MALRD1: variants seen among roughly 807,000 people sequenced by gnomAD.
MALRD1 encodes MAM and LDL receptor class A domain containing 1.
In MALRD1, 247 loss-of-function variants were observed where a neutral mutation model predicts 242.1. The ratio of observed to expected loss-of-function variants is 1.02; its 90% CI spans 0.92 to 1.13. The LOEUF (loss-of-function observed/expected upper bound fraction) is 1.13, where lower values mean the gene tolerates loss of function less well. MALRD1 is among the 50% of genes most tolerant of loss of function. The probability of loss-of-function intolerance (pLI) is 0.00; values close to 1 mark genes in which losing one functional copy is unlikely to be tolerated. For missense variants in MALRD1, 2,989 were observed against 2,533.1 expected (o/e 1.18, Z -3.86); for synonymous variants, 995 against 866.6 (o/e 1.15, Z -2.60).
Position 19,595,395 on chromosome 10 carries a change from C to CT in MALRD1, c.5884dup (p.Ser1962PhefsTer14), listed in dbSNP as rs1838038621. 2.4e-5 allele frequency: 37 copies of CT among 1,550,524 alleles called. No homozygotes were observed. Among genetic ancestry groups the CT allele is most frequent in the Non-Finnish European group, 3.1e-5 (35 of 1,146,928 alleles). ...CCGTGCTCTACAGACGAGTGTATACCTTCCCTCCTGCTATGCGATGGAGTG... is the reference window on the plus strand; with the variant it reads ...CCGTGCTCTACAGACGAGTGTATACCTTTCCCTCCTGCTATGCGATGGAGTG... On this transcript the variant is annotated frameshift_variant, in exon 34 of 40. Transcript: ENST00000454679. LOFTEE classifies it high-confidence loss of function.
Position 19,315,112 on chromosome 10 carries a change from TATGTAAATATAATTTATAG to T in MALRD1, c.3420-8835_3420-8817del, listed in dbSNP as rs1296640488. ...AATATGTAAATATAATTTATAGAAA[TATGTAAATATAATTTATAG>T]AAATATGTAAATATAATTTATAGAA... On this transcript the variant is annotated intron_variant, in intron 21 of 39. Transcript: ENST00000454679. 9.2e-4 allele frequency among the ~76,000 whole-genome samples: 128 copies of T among 139,730 alleles called. 1 individual carries two copies. The highest frequency in any genetic ancestry group is 2.4e-3 in the African/African-American group (92 of 38,174). The allele number at this position is 139,730 out of a possible 152,430, so 91.7% of individuals were successfully genotyped here.
chr10:19,553,984 GCT>G (rs1386202069), intron 32 of MALRD1, among the ~76,000 whole-genome samples: 3 of 152,106 alleles, frequency 2.0e-5, no homozygotes, highest in African/African-American at 7.2e-5. Context: ...GCCTGGCAGT[GCT>G]CTAGGCATTT....
At chr10:19,267,227 T>C in intron 19 of MALRD1, among the ~76,000 whole-genome samples, 1 of 152,182 alleles carries the variant, frequency 6.6e-6, no homozygotes, top group South Asian at 2.1e-4. Flanking sequence ...TTACTAAAAT[T>C]ATTAGTTATT....
chr10:19,114,710 T>C (rs1206796286), intron 5 of MALRD1, among the ~76,000 whole-genome samples: 1 of 152,200 alleles, frequency 6.6e-6, no homozygotes, highest in East Asian at 1.9e-4. Context: ...TCAGGGCTAG[T>C]ATATTAGTCT....
intron 5 of MALRD1, among the ~76,000 whole-genome samples, chr10:19,110,152 C>G (rs1836625021): frequency 6.6e-6 from 1 of 152,154 alleles, no homozygotes; most frequent in Non-Finnish European, 1.5e-5. Context: ...CTTGTTTATT[C>G]ATTGTTTTAG....
At chr10:19,347,160 TAAAAC>T (rs1185357232) in intron 24 of MALRD1, among the ~76,000 whole-genome samples, 2 of 152,016 alleles carry the variant, frequency 1.3e-5, no homozygotes, top group Non-Finnish European at 1.5e-5. Flanking sequence ...AATGGGAAAA[TAAAAC>T]AACTTAAGCA....
chr10:19,308,141 T>A, intron 21 of MALRD1, among the ~76,000 whole-genome samples: 1 of 151,540 alleles, frequency 6.6e-6, no homozygotes, highest in East Asian at 1.9e-4. Context: ...TTTCTATTTT[T>A]TTTATACTCA....
intron 19 of MALRD1, among the ~76,000 whole-genome samples, chr10:19,267,879 G>A (rs1588816594): frequency 6.6e-6 from 1 of 152,004 alleles, no homozygotes; most frequent in Non-Finnish European, 1.5e-5. Flanking sequence ...TAGCTTCTTT[G>A]GTGTAGTCTG....
rs372353194 is a variant in MALRD1 at position 19,075,651 on chromosome 10, G to A, written c.340+8792G>A. On this transcript the variant is annotated intron_variant, in intron 2 of 39. Transcript: ENST00000454679. ...ATTGAATTCTGCCAACCACTTCAAT[G>A]AGCTTGAAAGCCTATTCATCCTCAG... 5.9e-5 allele frequency among the ~76,000 whole-genome samples: 9 copies of A among 152,116 alleles called. No individual in the cohort carries two copies. The East Asian group carries it at 7.8e-4, about 13-fold the overall frequency.
chr10:19,351,345 A>T (rs1844367871), intron 25 of MALRD1, among the ~76,000 whole-genome samples: 1 of 152,164 alleles, frequency 6.6e-6, no homozygotes. Flanking sequence ...AGTAAATTTC[A>T]TCTATGCAAC....
rs188722259 is a variant in MALRD1 at position 19,455,234 on chromosome 10, A to G, written c.5029+4744A>G. Among the ~76,000 whole-genome samples, 5 of 152,364 alleles carry G rather than the reference A, an allele frequency of 3.3e-5. No homozygotes were observed. In the East Asian group the frequency reaches 9.6e-4, roughly 29 times the overall value. On this transcript the variant is annotated intron_variant, in intron 29 of 39. Coordinates refer to ENST00000454679, the MANE Select transcript of MALRD1 (RefSeq NM_001142308.3). ...TTCCACAGAACAAAGAAGTAGGAAG[A>G]CAATTCATATTGTAAAGAAAGGGTT...
intron 31 of MALRD1, among the ~76,000 whole-genome samples, chr10:19,516,773 C>T (rs759893275): frequency 3.5e-5 from 5 of 144,152 alleles, no homozygotes; most frequent in Non-Finnish European, 6.0e-5. Flanking sequence ...TCACCTTCTT[C>T]TCCTCCCTCT....
chr10:19,054,792 T>C (rs750647694), intron 1 of MALRD1, among the ~76,000 whole-genome samples: 1 of 152,210 alleles, frequency 6.6e-6, no homozygotes, highest in African/African-American at 2.4e-5. Flanking sequence ...ATTTTCTTTA[T>C]GTATCCATTG....
chr10:19,139,473 G>A (rs901883881), intron 10 of MALRD1, among the ~76,000 whole-genome samples: 1 of 151,984 alleles, frequency 6.6e-6, no homozygotes, highest in African/African-American at 2.4e-5. Flanking sequence ...CTCTAGAAGG[G>A]TATAGCTTGT....
At chr10:19,203,628 T>C in intron 14 of MALRD1, 100 bp from the exon 15 acceptor site, 1 of 1,224,342 alleles carries the variant, frequency 8.2e-7, no homozygotes, top group South Asian at 1.8e-5. Flanking sequence ...TTCATGTGCA[T>C]ACAGAAGCAT....
chr10:19,325,110 T>C (rs1341496735), intron 22 of MALRD1, among the ~76,000 whole-genome samples: 1 of 150,264 alleles, frequency 6.7e-6, no homozygotes, highest in Non-Finnish European at 1.5e-5. Context: ...GTTTGATTCA[T>C]GTTGGAAAAA....
chr10:19,439,523 G>A (rs992663678), intron 28 of MALRD1, among the ~76,000 whole-genome samples: 6 of 133,140 alleles, frequency 4.5e-5, no homozygotes, highest in African/African-American at 1.4e-4. Context: ...GGGCAACAAA[G>A]CAAGACCCTG....
At chr10:19,731,645 A>G (rs1458153819) in intron 39 of MALRD1, among the ~76,000 whole-genome samples, 2 of 152,174 alleles carry the variant, frequency 1.3e-5, no homozygotes, top group East Asian at 1.9e-4. Context: ...TCTTTGATCA[A>G]TATCTCATTC....
At chr10:19,457,422 A>T (rs577341982) in intron 29 of MALRD1, among the ~76,000 whole-genome samples, 1 of 152,094 alleles carries the variant, frequency 6.6e-6, no homozygotes, top group African/African-American at 2.4e-5. Context: ...ATTAGGGTTC[A>T]TCATTAAGCT....
Sources: allele counts gnomAD v4.1 joint callset (sites outside exome capture counted in the v4.1 genomes callset), GRCh38; gene constraint gnomAD v4.1.1; transcripts MANE v1.5; gene names NCBI Gene and HGNC (gene_info 2026-07-23, HGNC 2026-07-21).